Variants in NBAS observed in about 807,000 individuals in gnomAD.
NBAS encodes NBAS subunit of NRZ tethering complex.
NBAS carries 219 observed loss-of-function variants against 302.5 expected under a neutral mutation model. The ratio of observed to expected loss-of-function variants is 0.72; its 90% CI spans 0.65 to 0.81. The LOEUF is 0.81. NBAS is among the 30% of genes least tolerant of loss of function. The pLI, the probability that NBAS is intolerant of heterozygous loss-of-function variation, is 0.00. For missense variants in NBAS, 2,932 were observed against 2,841.6 expected, an observed-to-expected ratio of 1.03 and a Z score of -0.72; for synonymous variants, 1,118 against 1,021.6, an observed-to-expected ratio of 1.09 and a Z score of -1.80.
At chr2:15,280,771 A>G (rs926356983) in intron 42 of NBAS, among the ~76,000 whole-genome samples, 2 of 152,168 alleles carry the variant, frequency 1.3e-5, no homozygotes, top group African/African-American at 4.8e-5. Flanking sequence ...AATGATCATC[A>G]CTGCTGGTGA....
chr2:14,904,667 TCA>T, the NBAS span, among the ~76,000 whole-genome samples: 1 of 152,086 alleles, frequency 6.6e-6, no homozygotes, highest in East Asian at 1.9e-4. Context: ...ATAGGCTGTG[TCA>T]CAGTCAGCTG....
chr2:15,407,427 T>C (rs1676469085), intron 25 of NBAS, among the ~76,000 whole-genome samples: 1 of 152,094 alleles, frequency 6.6e-6, no homozygotes, highest in Non-Finnish European at 1.5e-5. Context: ...GACTACACCC[T>C]AGGAATAGGG....
chr2:15,367,468 T>G lies in NBAS; in HGVS notation c.3704-775A>C, dbSNP rs114616834. Among the ~76,000 whole-genome samples the G allele has an allele frequency of 8.0e-3, 1,224 of 152,236 alleles. 14 individuals are homozygous for G. Among genetic ancestry groups the G allele is most frequent in the African/African-American group, 0.028 (1,157 of 41,552 alleles). On this transcript the variant is annotated intron_variant, in intron 31 of 51. Coordinates refer to ENST00000281513, the MANE Select transcript of NBAS (RefSeq NM_015909.4). Reference sequence around the variant, plus strand: ...AATACGAGCTATGTCTCAGGCACTGTTGGAGGTGCTTTATGTATATTAACC... The same window carrying G: ...AATACGAGCTATGTCTCAGGCACTGGTGGAGGTGCTTTATGTATATTAACC...
the NBAS span, among the ~76,000 whole-genome samples, chr2:15,115,185 T>C: frequency 1.3e-5 from 2 of 152,198 alleles, no homozygotes; most frequent in African/African-American, 2.4e-5. Flanking sequence ...GATGAATAAA[T>C]GAGTAAATAC....
At chr2:14,842,903 A>T in the NBAS span, among the ~76,000 whole-genome samples, 1 of 152,006 alleles carries the variant, frequency 6.6e-6, no homozygotes, top group Non-Finnish European at 1.5e-5. Context: ...AGATGCAAAA[A>T]TTCTCAACAA....
chr2:15,085,231 G>A, the NBAS span, among the ~76,000 whole-genome samples: 5 of 152,152 alleles, frequency 3.3e-5, no homozygotes, highest in Non-Finnish European at 7.4e-5. Context: ...TTGGAGGCCC[G>A]GGGTGCAAGT....
At chr2:15,324,585 T>G (rs556139403) in intron 38 of NBAS, among the ~76,000 whole-genome samples, 1 of 152,280 alleles carries the variant, frequency 6.6e-6, no homozygotes, top group Non-Finnish European at 1.5e-5. Flanking sequence ...ACAATTCCAG[T>G]GCCTCTGGGT....
At chr2:15,297,284 A>T (rs1053131724) in intron 40 of NBAS, among the ~76,000 whole-genome samples, 1 of 152,144 alleles carries the variant, frequency 6.6e-6, no homozygotes, top group African/African-American at 2.4e-5. Flanking sequence ...GTAGGGAGGG[A>T]TATCTCTTAA....
chr2:15,443,229 T>G (rs1225377277), intron 21 of NBAS, among the ~76,000 whole-genome samples: 5 of 152,066 alleles, frequency 3.3e-5, no homozygotes, highest in Non-Finnish European at 1.5e-5. Flanking sequence ...ATATCCTTGA[T>G]GAACACTGAT....
chr2:15,264,034 T>A (rs1438040533), intron 44 of NBAS, among the ~76,000 whole-genome samples: 1 of 152,150 alleles, frequency 6.6e-6, no homozygotes, highest in African/African-American at 2.4e-5. Flanking sequence ...GTCTGTAAGT[T>A]TGAAAGGTAC....
At chr2:14,834,242 T>TA in the NBAS span, among the ~76,000 whole-genome samples, 2 of 152,152 alleles carry the variant, frequency 1.3e-5, no homozygotes, top group Non-Finnish European at 2.9e-5. Flanking sequence ...CAGACTTATT[T>TA]AAAAAATCAA....
intron 47 of NBAS, among the ~76,000 whole-genome samples, chr2:15,227,151 G>A (rs151224747): frequency 6.6e-6 from 1 of 152,080 alleles, no homozygotes; most frequent in African/African-American, 2.4e-5. Context: ...ATCTATTAAT[G>A]AATTTGGTCA....
chr2:15,464,676 C>T (rs1182927197), intron 19 of NBAS, among the ~76,000 whole-genome samples: 2 of 152,274 alleles, frequency 1.3e-5, no homozygotes, highest in South Asian at 4.1e-4. Context: ...AAGGGCTACC[C>T]CCAGCCACAG....
intron 35 of NBAS, among the ~76,000 whole-genome samples, chr2:15,340,631 C>A (rs954210626): frequency 1.3e-5 from 2 of 152,026 alleles, no homozygotes; most frequent in Non-Finnish European, 2.9e-5. Context: ...TCGATTATTT[C>A]AAGTCAGGAT....
intron 41 of NBAS, among the ~76,000 whole-genome samples, chr2:15,290,829 T>C (rs1172388218): frequency 6.6e-6 from 1 of 152,182 alleles, no homozygotes; most frequent in African/African-American, 2.4e-5. Context: ...CAGCTATAGG[T>C]TGTTCCTGCT....
chr2:15,344,695 CAG>C (rs1386354519), intron 35 of NBAS, among the ~76,000 whole-genome samples: 2 of 152,092 alleles, frequency 1.3e-5, no homozygotes, highest in African/African-American at 4.8e-5. Context: ...TAAAACTGTG[CAG>C]AGACACAACA....
At chr2:15,124,628 G>C in the NBAS span, among the ~76,000 whole-genome samples, 1 of 152,230 alleles carries the variant, frequency 6.6e-6, no homozygotes, top group Non-Finnish European at 1.5e-5. Flanking sequence ...TCAGGGGGCA[G>C]GCCCAGGGCC....
intron 25 of NBAS, among the ~76,000 whole-genome samples, chr2:15,411,274 C>T (rs1301395698): frequency 6.6e-6 from 1 of 152,118 alleles, no homozygotes; most frequent in Non-Finnish European, 1.5e-5. Flanking sequence ...TTAAAATTCA[C>T]TCCCCTACAG....
chr2:14,950,479 T>A, the NBAS span, among the ~76,000 whole-genome samples: 1 of 152,248 alleles, frequency 6.6e-6, no homozygotes, highest in Admixed American at 6.5e-5. Context: ...TACTAATTTA[T>A]CCTCACAAAT....
Sources: allele counts gnomAD v4.1 joint callset (sites outside exome capture counted in the v4.1 genomes callset), GRCh38; gene constraint gnomAD v4.1.1; transcripts MANE v1.5; gene names NCBI Gene and HGNC (gene_info 2026-07-23, HGNC 2026-07-21).